STAM: variants seen among roughly 807,000 people sequenced by gnomAD.
STAM encodes the protein signal transducing adapter molecule 1.
A neutral mutation model predicts 63.4 loss-of-function variants in STAM; 16 were observed. The ratio of observed to expected loss-of-function variants is 0.25; its 90% CI spans 0.17 to 0.38. The LOEUF is 0.38. STAM is among the 10% of genes least tolerant of loss of function. The probability of loss-of-function intolerance (pLI) is 1.00; values close to 1 mark genes in which losing one functional copy is unlikely to be tolerated. For synonymous variants in STAM, 238 were observed against 223.9 expected (o/e 1.06, Z -0.56); for missense variants, 636 against 657.1 (o/e 0.97, Z 0.35).
At chr10:17,657,056 T>C (rs7073595) in intron 1 of STAM, among the ~76,000 whole-genome samples, 17,518 of 152,108 alleles carry the variant, frequency 0.12, 1,102 homozygotes, top group Middle Eastern at 0.16. Context: ...CGGAGGCTTT[T>C]TTCCCTTTTC....
chr10:17,695,348 C>A, intron 7 of STAM, 107 bp downstream of exon 7: 2 of 1,040,148 alleles, frequency 1.9e-6, no homozygotes, highest in Non-Finnish European at 2.7e-6. Flanking sequence ...AAATATTGAC[C>A]CAGATGCTGC....
chr10:17,693,740 T>C (rs538425870), intron 6 of STAM, among the ~76,000 whole-genome samples: 1 of 152,322 alleles, frequency 6.6e-6, no homozygotes, highest in African/African-American at 2.4e-5. Flanking sequence ...GTGGATTATT[T>C]CTGATTTTTT....
chr10:17,684,806 T>C, intron 3 of STAM, 26 bp from the exon 4 acceptor site: 1 of 1,613,668 alleles, frequency 6.2e-7, no homozygotes, highest in South Asian at 1.1e-5. Context: ...ATTGAGCCCC[T>C]TTAACTTCTG....
At chr10:17,708,142 G>A (rs1356045565) in intron 12 of STAM, among the ~76,000 whole-genome samples, 7 of 152,022 alleles carry the variant, frequency 4.6e-5, no homozygotes, top group Admixed American at 1.3e-4. Context: ...TGCCTGCCTC[G>A]GCCTCCCAAA....
intron 6 of STAM, among the ~76,000 whole-genome samples, chr10:17,693,839 A>G (rs1458369200): frequency 6.6e-6 from 1 of 152,112 alleles, no homozygotes; most frequent in Non-Finnish European, 1.5e-5. Context: ...GACTAAAAGC[A>G]ATATTGTTGG....
intron 2 of STAM, among the ~76,000 whole-genome samples, chr10:17,668,109 C>T (rs1834472345): frequency 6.6e-6 from 1 of 152,192 alleles, no homozygotes; most frequent in African/African-American, 2.4e-5. Flanking sequence ...GCATCACTTA[C>T]ACTGTTATTA....
intron 1 of STAM, among the ~76,000 whole-genome samples, chr10:17,655,417 G>A (rs1554822027): frequency 1.3e-5 from 2 of 151,968 alleles, no homozygotes; most frequent in Non-Finnish European, 2.9e-5. Context: ...AGCTAGGTAG[G>A]TACCCTACCT....
chr10:17,692,811 C>CT (rs556122787), intron 5 of STAM, among the ~76,000 whole-genome samples: 263 of 152,194 alleles, frequency 1.7e-3, no homozygotes, highest in South Asian at 0.011. Context: ...AATGATAACT[C>CT]TAACTATTAA....
At chr10:17,692,028 C>CATTCTGATTTTGGA (rs1564558210) in intron 5 of STAM, among the ~76,000 whole-genome samples, 4 of 152,168 alleles carry the variant, frequency 2.6e-5, no homozygotes, top group Non-Finnish European at 5.9e-5. Context: ...GAGCCCATCT[C>CATTCTGATTTTGGA]ATCTGATTTT....
chr10:17,663,176 A>T (rs1589038535), intron 2 of STAM, among the ~76,000 whole-genome samples: 1 of 152,114 alleles, frequency 6.6e-6, no homozygotes, highest in African/African-American at 2.4e-5. Flanking sequence ...AGCTGTAGAG[A>T]TCAATTTGTT....
intron 9 of STAM, among the ~76,000 whole-genome samples, chr10:17,701,011 C>T (rs1432364765): frequency 6.6e-6 from 1 of 152,140 alleles, no homozygotes; most frequent in African/African-American, 2.4e-5. Flanking sequence ...TAAATGTCTT[C>T]ATATGTCATT....
intron 1 of STAM, among the ~76,000 whole-genome samples, chr10:17,650,383 C>T (rs1833688839): frequency 6.6e-6 from 1 of 152,172 alleles, no homozygotes; most frequent in South Asian, 2.1e-4. Flanking sequence ...GACTCTTTAC[C>T]AGAGTTGAAT....
intron 2 of STAM, among the ~76,000 whole-genome samples, chr10:17,667,163 G>A (rs7906323): frequency 0.08 from 11,559 of 145,252 alleles, 522 homozygotes; most frequent in Admixed American, 0.12. Context: ...TTTCACTTTT[G>A]TTGCCCAGGC....
chr10:17,683,542 C>T (rs1170315560), intron 2 of STAM, among the ~76,000 whole-genome samples: 1 of 152,014 alleles, frequency 6.6e-6, no homozygotes, highest in Non-Finnish European at 1.5e-5. Flanking sequence ...TCTCTCTGTA[C>T]TTCAGTTTGG....
chr10:17,677,686 G>A (rs1834910809), intron 2 of STAM, among the ~76,000 whole-genome samples: 1 of 152,048 alleles, frequency 6.6e-6, no homozygotes, highest in Non-Finnish European at 1.5e-5. Context: ...AAAGTTTTAG[G>A]ATTAAAAAAA....
chr10:17,715,777 CTT>C lies in STAM; in HGVS notation c.*998_*999del, dbSNP rs761422670. On this transcript the variant is annotated 3_prime_UTR_variant, in exon 14 of 14. Transcript: ENST00000377524. ...GAATTACACTACATTTTCGAAGTCT[CTT>C]GTAATTATTTGGGATATCAACAAAA... The C allele has an allele frequency of 1.4e-3, 208 of 152,666 alleles. 1 individual carries two copies. Among genetic ancestry groups the C allele is most frequent in the Admixed American group, 2.5e-3 (38 of 15,290 alleles). 9.5% of individuals were successfully genotyped at this position (152,666 alleles called of 1,614,324 possible).
In STAM at chr10:17,687,373, A is replaced by T. The variant is rs191220758; in HGVS notation, c.298-654A>T. On this transcript the variant is annotated intron_variant, in intron 4 of 13. Transcript: ENST00000377524. ...GCCTGTAATCCTACTCGGGAGGTTG[A>T]CACAAGAGAATCGCTTGAACCGCAT... Among the ~76,000 whole-genome samples, 1,014 of 152,224 alleles carry T rather than the reference A, an allele frequency of 6.7e-3. 7 individuals carry two copies. Among genetic ancestry groups the T allele is most frequent in the African/African-American group, 0.023 (960 of 41,530 alleles).
chr10:17,646,348 A>G (rs1418694006), intron 1 of STAM, among the ~76,000 whole-genome samples: 1 of 152,202 alleles, frequency 6.6e-6, no homozygotes, highest in African/African-American at 2.4e-5. Flanking sequence ...GTCTCAGGAC[A>G]TTGCTAAATG....
chr10:17,700,743 G>A (rs529924985), intron 9 of STAM, among the ~76,000 whole-genome samples: 2 of 152,184 alleles, frequency 1.3e-5, no homozygotes, highest in Admixed American at 6.5e-5. Flanking sequence ...CATATCATGC[G>A]AGAACTCCTG....
Sources: gnomAD v4.1 joint callset for allele counts (sites outside exome capture counted in the v4.1 genomes callset) on GRCh38, gnomAD v4.1.1 for gene constraint, MANE v1.5 for transcripts, NCBI Gene and HGNC (gene_info 2026-07-23, HGNC 2026-07-21) for gene names.